BLOC1S5: variants seen among roughly 807,000 people sequenced by gnomAD.
BLOC1S5 encodes the protein biogenesis of lysosome-related organelles complex 1 subunit 5.
BLOC1S5 carries 27 observed loss-of-function variants against 24.3 expected under a neutral mutation model. The ratio of observed to expected loss-of-function variants is 1.11; its 90% confidence interval spans 0.82 to 1.53. BLOC1S5 has a LOEUF of 1.53. Among genes scored for constraint, BLOC1S5 ranks in the 40% most tolerant of loss-of-function variants. The pLI, the probability that BLOC1S5 is intolerant of heterozygous loss-of-function variation, is 0.00. For missense variants in BLOC1S5, 239 were observed against 229.4 expected (o/e 1.04, Z -0.27); for synonymous variants, 84 against 74.5 (o/e 1.13, Z -0.66).
At chr6:8,048,270 G>C (rs565001155) in intron 2 of BLOC1S5, among the ~76,000 whole-genome samples, 130 of 152,278 alleles carry the variant, frequency 8.5e-4, no homozygotes, top group African/African-American at 2.7e-3. Flanking sequence ...TGATGCTCCA[G>C]GTTCATCCTC....
In BLOC1S5 at chr6:8,015,880, A is replaced by AAT. The variant is rs1561851513; in HGVS notation, c.385-53_385-52insAT. The stretch of plus-strand genomic sequence containing the variant: ...ACGACATTTTCCAGACAATTATTTC[A>AAT]TAACGTTATCTCTTGATACTTGGTT... On this transcript the variant is annotated intron_variant, in intron 4 of 4. Coordinates refer to ENST00000397457, the MANE Select transcript of BLOC1S5 (RefSeq NM_201280.3). 4.0e-6 allele frequency: 6 copies of AAT among 1,503,540 alleles called. No individual in the cohort carries two copies. In the Admixed American group the frequency reaches 1.2e-4, roughly 30 times the overall value. 93.1% of individuals were successfully genotyped at this position (1,503,540 alleles called of 1,614,324 possible).
At chr6:8,018,043 A>C (rs1472729964) in intron 4 of BLOC1S5, 1 of 152,266 alleles carries the variant, frequency 6.6e-6, no homozygotes, top group Non-Finnish European at 1.5e-5. Context: ...ATTCTTCTAA[A>C]ATGTCAGTCA....
rs139940568 is a variant in BLOC1S5, at chr6:8,030,847, G to A, written c.326-4422C>T. ...AGATCACGCCACTGCACTCCAGCCT[G>A]AGCAACAGACCAACAGTCAAAAAAA... On this transcript the variant is annotated intron_variant, in intron 3 of 4. Coordinates refer to ENST00000397457, the MANE Select transcript of BLOC1S5 (RefSeq NM_201280.3). Among the ~76,000 whole-genome samples the A allele has an allele frequency of 7.2e-3, 759 of 104,880 alleles. 4 individuals are homozygous for A. Among genetic ancestry groups the A allele is most frequent in the African/African-American group, 0.024 (719 of 29,484 alleles). 68.8% of individuals were successfully genotyped at this position (104,880 alleles called of 152,430 possible).
At chr6:8,027,358 T>C (rs189171813) in intron 3 of BLOC1S5, 3 of 456,754 alleles carry the variant, frequency 6.6e-6, no homozygotes, top group African/African-American at 2.0e-5. Context: ...CCAGGCACTG[T>C]TCTTGTTGGT....
intron 4 of BLOC1S5, among the ~76,000 whole-genome samples, chr6:8,022,788 T>G (rs908715475): frequency 3.4e-5 from 5 of 148,926 alleles, no homozygotes; most frequent in Admixed American, 6.6e-5. Context: ...GTTTCACCGT[T>G]TTAGCCGGGA....
At chr6:8,035,279 T>C (rs891393242) in intron 3 of BLOC1S5, among the ~76,000 whole-genome samples, 7 of 151,464 alleles carry the variant, frequency 4.6e-5, no homozygotes, top group African/African-American at 1.2e-4. Context: ...CTTAAGAACT[T>C]ATCCATATAC....
intron 4 of BLOC1S5, among the ~76,000 whole-genome samples, chr6:8,019,332 A>C (rs898375161): frequency 7.3e-5 from 11 of 150,134 alleles, no homozygotes; most frequent in African/African-American, 2.7e-4. Context: ...GCAATGGCAC[A>C]ATCTTAGCTC....
intron 4 of BLOC1S5, among the ~76,000 whole-genome samples, chr6:8,026,100 C>A (rs1763093003): frequency 6.6e-6 from 1 of 152,146 alleles, no homozygotes; most frequent in East Asian, 1.9e-4. Flanking sequence ...ATGTAAAAGT[C>A]CTAATTTCTC....
chr6:8,038,335 T>C (rs1016738579), intron 3 of BLOC1S5, among the ~76,000 whole-genome samples: 4 of 152,026 alleles, frequency 2.6e-5, no homozygotes, highest in Non-Finnish European at 5.9e-5. Context: ...ATTTTAAAAA[T>C]AGGCAAAGAT....
intron 2 of BLOC1S5, among the ~76,000 whole-genome samples, chr6:8,045,792 G>A (rs1763867482): frequency 6.6e-6 from 1 of 152,192 alleles, no homozygotes; most frequent in Admixed American, 6.5e-5. Context: ...TGGAACGGCT[G>A]TATTTACCCA....
At chr6:8,041,877 A>C (rs1254635511) in intron 2 of BLOC1S5, 1 of 150,208 alleles carries the variant, frequency 6.7e-6, no homozygotes, top group Non-Finnish European at 1.5e-5. Context: ...CTATCTCCTG[A>C]CCTCGTGATC....
At chr6:8,059,512 G>C (rs1345586308) in intron 2 of BLOC1S5, among the ~76,000 whole-genome samples, 2 of 152,154 alleles carry the variant, frequency 1.3e-5, no homozygotes, top group African/African-American at 4.8e-5. Flanking sequence ...ACTTCCAGGA[G>C]GTACCAGCAG....
At chr6:8,060,829 T>C (rs919022827) in intron 2 of BLOC1S5, among the ~76,000 whole-genome samples, 30 of 152,308 alleles carry the variant, frequency 2.0e-4, no homozygotes, top group African/African-American at 7.2e-4. Context: ...ACTTTCTTCT[T>C]TTTTTATTTT....
chr6:8,053,747 G>A (rs539162238), intron 2 of BLOC1S5, among the ~76,000 whole-genome samples: 24 of 152,036 alleles, frequency 1.6e-4, no homozygotes, highest in Non-Finnish European at 3.2e-4. Context: ...AAACAGAAAC[G>A]TGATATAGAC....
chr6:8,030,951 A>G (rs1763276191), intron 3 of BLOC1S5, among the ~76,000 whole-genome samples: 1 of 152,042 alleles, frequency 6.6e-6, no homozygotes, highest in Admixed American at 6.6e-5. Context: ...TAAAATCCTC[A>G]GCAAAACCGG....
rs576305082 is a variant in BLOC1S5, at chr6:8,038,853, G to A, written c.325+2286C>T. On this transcript the variant is annotated intron_variant, in intron 3 of 4. Transcript: ENST00000397457. ...AGGATGTGGAGAAAAGGGAACTCTC[G>A]TATACTATTGGTCAGAATATAAATT... Among the ~76,000 whole-genome samples, 30 of 152,304 alleles carry A rather than the reference G, an allele frequency of 2.0e-4. No individual in the cohort carries two copies. The South Asian group carries it at 6.0e-3, about 30-fold the overall frequency.
At chr6:8,041,300 T>A in intron 2 of BLOC1S5, 32 bp from the exon 3 acceptor site, 1 of 1,518,354 alleles carries the variant, frequency 6.6e-7, no homozygotes, top group Non-Finnish European at 8.8e-7. Context: ...CTAATAAATA[T>A]GGTGTCTTTT....
At position 8,013,607 on chromosome 6, in the gene BLOC1S5, CT is replaced by C. The variant is rs1561850132; in HGVS notation, c.*2041del. 1 of 152,184 alleles carries C rather than the reference CT, an allele frequency of 6.6e-6. No individual in the cohort carries two copies. The highest frequency in any genetic ancestry group is 1.5e-5 in the Non-Finnish European group (1 of 68,018). The allele number at this position is 152,184 out of a possible 1,614,324, so 9.4% of individuals were successfully genotyped here. ...ATTATTCACATGAGATGAACACAAA[CT>C]ATCAGAAATCTTTGCTATACAAGTT... On this transcript the variant is annotated 3_prime_UTR_variant, in exon 5 of 5. Coordinates refer to ENST00000397457, the MANE Select transcript of BLOC1S5 (RefSeq NM_201280.3).
Position 8,064,377 on chromosome 6 carries a change from C to A in BLOC1S5, c.-1G>T. ...GGGTCTCTGTCCCTCCGCCACTCAT[C>A]CCGACCAGTTCCGCCCACCCGCGGC... On this transcript the variant is annotated 5_prime_UTR_variant, in exon 1 of 5. Coordinates refer to ENST00000397457, the MANE Select transcript of BLOC1S5 (RefSeq NM_201280.3). 4 of 1,608,570 alleles carry A rather than the reference C, an allele frequency of 2.5e-6. No individual in the cohort carries two copies. Among genetic ancestry groups the A allele is most frequent in the Non-Finnish European group, 3.4e-6 (4 of 1,179,242 alleles).
Sources: allele counts gnomAD v4.1 joint callset (sites outside exome capture counted in the v4.1 genomes callset), GRCh38; gene constraint gnomAD v4.1.1; transcripts MANE v1.5; gene names NCBI Gene and HGNC (gene_info 2026-07-23, HGNC 2026-07-21).